The following DISC1 variants were observed in gnomAD, a reference collection of about 807,000 sequenced individuals.
DISC1 encodes DISC1 scaffold protein.
A neutral mutation model predicts 84.5 loss-of-function variants in DISC1; 57 were observed. The observed-to-expected ratio is 0.67, with a 90% CI of 0.55 to 0.84. The LOEUF is 0.84. Ranked by LOEUF, DISC1 falls within the 40% of genes least tolerant of loss-of-function variation. The probability of loss-of-function intolerance (pLI) is 0.00; values close to 1 mark genes in which losing one functional copy is unlikely to be tolerated. For missense variants in DISC1, 1,000 were observed against 1,057.8 expected, an observed-to-expected ratio of 0.95 and a Z score of 0.76; for synonymous variants, 411 against 415.2, an observed-to-expected ratio of 0.99 and a Z score of 0.12.
chr1:231,660,390 A>G (rs2061476074), intron 1 of DISC1, among the ~76,000 whole-genome samples: 1 of 152,028 alleles, frequency 6.6e-6, no homozygotes, highest in Admixed American at 6.5e-5. Context: ...GGTCTCTTGA[A>G]GACAGCACAC....
At chr1:231,898,664 G>T (rs2087893179) in intron 9 of DISC1, among the ~76,000 whole-genome samples, 1 of 152,174 alleles carries the variant, frequency 6.6e-6, no homozygotes, top group Admixed American at 6.5e-5. Context: ...GGGTGTGGTG[G>T]CTCATGCCTG....
At chr1:231,855,782 T>A (rs73093430) in intron 9 of DISC1, among the ~76,000 whole-genome samples, 8,149 of 152,280 alleles carry the variant, frequency 0.054, 715 homozygotes, top group African/African-American at 0.18. Context: ...CAAGTCTCTA[T>A]TTTGGGACTT....
chr1:231,952,751 A>G (rs747397473), intron 9 of DISC1, among the ~76,000 whole-genome samples: 1 of 149,522 alleles, frequency 6.7e-6, no homozygotes, highest in Non-Finnish European at 1.5e-5. Flanking sequence ...CACAATGTAG[A>G]TTTATTTTAT....
At chr1:231,633,883 T>A (rs921514680) in intron 1 of DISC1, among the ~76,000 whole-genome samples, 2 of 122,010 alleles carry the variant, frequency 1.6e-5, no homozygotes, top group African/African-American at 6.3e-5. Context: ...ATACCTGTCA[T>A]CTTTTTTTTT....
At chr1:231,839,755 T>C (rs1467956498) in intron 9 of DISC1, among the ~76,000 whole-genome samples, 1 of 152,208 alleles carries the variant, frequency 6.6e-6, no homozygotes, top group Non-Finnish European at 1.5e-5. Flanking sequence ...CATCTGCTTC[T>C]GGCAAGGCCT....
At position 232,008,944 on chromosome 1, in the gene DISC1, C is replaced by G; in HGVS notation, c.2202C>G (p.Pro734=). 1 of 1,613,700 alleles carries G rather than the reference C, an allele frequency of 6.2e-7. No homozygotes were observed. Among genetic ancestry groups the G allele is most frequent in the Non-Finnish European group, 8.5e-7 (1 of 1,179,698 alleles). ...DLEGAAPPIP[P]RLHSEDKRKT... ...AGGGAGCTGCTCCTCCTATTCCCCC[C>G]AGGCTCCACTCCGAGGATAAAAGGA... The change falls in exon 11 of 13, where the codon CCC becomes CCG. Residue 734 remains proline (P), a synonymous_variant. Transcript: ENST00000439617.
At chr1:231,718,628 G>T (rs1300532857) in intron 3 of DISC1, among the ~76,000 whole-genome samples, 1 of 152,084 alleles carries the variant, frequency 6.6e-6, no homozygotes, top group Non-Finnish European at 1.5e-5. Context: ...TAGAGACGGG[G>T]TTTCTCCATG....
At chr1:231,762,279 TTTC>T (rs2075797255) in intron 4 of DISC1, among the ~76,000 whole-genome samples, 1 of 147,008 alleles carries the variant, frequency 6.8e-6, no homozygotes, top group African/African-American at 2.5e-5. Context: ...TTCCTTTCCT[TTTC>T]TTTTCTTTTC....
At chr1:231,641,564 A>T (rs184706309) in intron 1 of DISC1, among the ~76,000 whole-genome samples, 2 of 152,198 alleles carry the variant, frequency 1.3e-5, no homozygotes, top group African/African-American at 4.8e-5. Context: ...AGCTTCCACA[A>T]TGTGCAAAGG....
chr1:231,707,605 C>G (rs927645369), intron 3 of DISC1, among the ~76,000 whole-genome samples: 2 of 152,180 alleles, frequency 1.3e-5, no homozygotes, highest in Non-Finnish European at 2.9e-5. Context: ...TCACCATTGG[C>G]TATGATCTCT....
At position 231,694,092 on chromosome 1, in the gene DISC1, A is replaced by T. The variant is rs2065364620; in HGVS notation, c.334A>T (p.Arg112Ter). The T allele has an allele frequency of 6.2e-7, 1 of 1,614,026 alleles. No homozygotes were observed. The highest frequency in any genetic ancestry group is 8.5e-7 in the Non-Finnish European group (1 of 1,180,028). Residue 112 changes from arginine (R) to a stop codon, truncating the protein, a stop_gained, in exon 2 of 13, where the codon AGA becomes TGA. Coordinates refer to ENST00000439617, the MANE Select transcript of DISC1 (RefSeq NM_018662.3). LOFTEE classifies it high-confidence loss of function. ...SAAAPTVTSV[R>*]GTSAHFGIQL... The stretch of plus-strand genomic sequence containing the variant: ...AGCAGCCCCTACTGTGACCTCTGTG[A>T]GAGGAACCTCGGCGCACTTTGGGAT...
chr1:232,028,290 C>T (rs1669667912), intron 12 of DISC1, among the ~76,000 whole-genome samples: 1 of 152,120 alleles, frequency 6.6e-6, no homozygotes, highest in Non-Finnish European at 1.5e-5. Context: ...AGCAGATGGG[C>T]AGTTCCTAAG....
intron 3 of DISC1, among the ~76,000 whole-genome samples, chr1:231,713,703 G>GATATATAT (rs141599033): frequency 3.9e-5 from 5 of 129,438 alleles, no homozygotes; most frequent in African/African-American, 1.6e-4. Flanking sequence ...ATATATAGGA[G>GATATATAT]ATATATATAT....
At chr1:231,984,743 A>C (rs1664154834) in intron 10 of DISC1, among the ~76,000 whole-genome samples, 1 of 152,164 alleles carries the variant, frequency 6.6e-6, no homozygotes, top group Non-Finnish European at 1.5e-5. Flanking sequence ...GTTCTGCCCA[A>C]GGGGGAAGTC....
chr1:231,968,236 T>A (rs1249808472), intron 10 of DISC1, among the ~76,000 whole-genome samples: 1 of 152,136 alleles, frequency 6.6e-6, no homozygotes. Context: ...TGCATGCAGT[T>A]CTTCGGAGAG....
At chr1:231,736,684 A>G (rs1393742063) in intron 3 of DISC1, among the ~76,000 whole-genome samples, 2 of 152,252 alleles carry the variant, frequency 1.3e-5, no homozygotes. Flanking sequence ...GTGGTCATCC[A>G]CACATCTTGT....
At chr1:231,939,881 C>A (rs998202734) in intron 9 of DISC1, among the ~76,000 whole-genome samples, 2 of 151,846 alleles carry the variant, frequency 1.3e-5, no homozygotes, top group African/African-American at 4.8e-5. Context: ...TAGCTGGAAT[C>A]ACAGGCACGT....
intron 3 of DISC1, among the ~76,000 whole-genome samples, chr1:231,747,196 G>T (rs2074087281): frequency 6.6e-6 from 1 of 152,188 alleles, no homozygotes; most frequent in Non-Finnish European, 1.5e-5. Context: ...CTCCCAAAGT[G>T]CTGGGATTAC....
intron 9 of DISC1, among the ~76,000 whole-genome samples, chr1:231,906,897 A>G (rs2088702329): frequency 6.6e-6 from 1 of 152,130 alleles, no homozygotes; most frequent in South Asian, 2.1e-4. Context: ...GAATAACTAC[A>G]TTACAAATTT....
Sources: gnomAD v4.1 joint callset for allele counts (sites outside exome capture counted in the v4.1 genomes callset) on GRCh38, gnomAD v4.1.1 for gene constraint, MANE v1.5 for transcripts, NCBI Gene and HGNC (gene_info 2026-07-23, HGNC 2026-07-21) for gene names.